The following GPRC5B variants were observed in gnomAD, a reference collection of about 807,000 sequenced individuals.
GPRC5B encodes the protein G protein-coupled receptor family C group 5 member B.
A neutral mutation model predicts 30.1 loss-of-function variants in GPRC5B; 16 were observed. The ratio of observed to expected loss-of-function variants is 0.53; its 90% CI spans 0.36 to 0.81. GPRC5B has a LOEUF of 0.81. Ranked by LOEUF, GPRC5B falls within the 30% of genes least tolerant of loss-of-function variation. The pLI, the probability that GPRC5B is intolerant of heterozygous loss-of-function variation, is 0.01. For missense variants in GPRC5B, 428 were observed against 544.7 expected, an observed-to-expected ratio of 0.79 and a Z score of 2.13; for synonymous variants, 241 against 239.5, an observed-to-expected ratio of 1.01 and a Z score of -0.06.
intron 1 of GPRC5B, among the ~76,000 whole-genome samples, chr16:19,873,586 C>T (rs2056739878): frequency 6.6e-6 from 1 of 152,088 alleles, no homozygotes; most frequent in Admixed American, 6.6e-5. Context: ...TGGTCTCAGC[C>T]TCTCGAGGCT....
At chr16:19,884,225 C>A (rs1311452963) in intron 1 of GPRC5B, among the ~76,000 whole-genome samples, 1 of 149,448 alleles carries the variant, frequency 6.7e-6, no homozygotes, top group Non-Finnish European at 1.5e-5. Flanking sequence ...AAGCCGGCTG[C>A]GGGCTTGACC....
chr16:19,880,682 G>A (rs548706913), intron 1 of GPRC5B, among the ~76,000 whole-genome samples: 148 of 152,250 alleles, frequency 9.7e-4, no homozygotes, highest in African/African-American at 3.5e-3. Flanking sequence ...TAGGCCAGAG[G>A]ACCTTGGGGT....
At chr16:19,866,759 G>A (rs1381769837) in intron 2 of GPRC5B, among the ~76,000 whole-genome samples, 3 of 152,158 alleles carry the variant, frequency 2.0e-5, no homozygotes, top group Non-Finnish European at 2.9e-5. Context: ...CCAAGAAGGA[G>A]TAATAAATAT....
In GPRC5B at chr16:19,883,967, C is replaced by T. The variant is rs570945293; in HGVS notation, c.-2+760G>A. ...CGGGATGTGTGGGGTCCTTGTGGGG[C>T]TGGAAGCCTGTGTCCCCCAAGGAGA... On this transcript the variant is annotated intron_variant, in intron 1 of 3. Coordinates refer to ENST00000300571, the MANE Select transcript of GPRC5B (RefSeq NM_016235.3). Among the ~76,000 whole-genome samples the T allele has an allele frequency of 3.9e-5, 6 of 152,260 alleles. 1 individual carries two copies. In the South Asian group the frequency reaches 1.2e-3, roughly 32 times the overall value.
At chr16:19,884,931 G>A, upstream of GPRC5B, 1 of 889,886 alleles carries the variant, frequency 1.1e-6, no homozygotes, top group Non-Finnish European at 1.3e-6. Context: ...CCCCGCCCCC[G>A]CCCCCGGCCG....
intron 2 of GPRC5B, among the ~76,000 whole-genome samples, chr16:19,865,064 C>G (rs2141140139): frequency 6.6e-6 from 1 of 151,960 alleles, no homozygotes; most frequent in African/African-American, 2.4e-5. Flanking sequence ...GCCACCATGC[C>G]TGGCTTATTT....
At chr16:19,884,962 A>T, upstream of GPRC5B, 2 of 770,492 alleles carry the variant, frequency 2.6e-6, no homozygotes, top group Non-Finnish European at 3.1e-6. Context: ...CGGGCCTCCG[A>T]GCCCCACCCC....
chr16:19,866,117 C>T (rs952539082), intron 2 of GPRC5B, among the ~76,000 whole-genome samples: 15 of 151,678 alleles, frequency 9.9e-5, no homozygotes, highest in Non-Finnish European at 1.9e-4. Context: ...CTAGTAGAGA[C>T]GGGGTTTTAC....
chr16:19,867,123 C>T lies in GPRC5B; in HGVS notation c.1030+4693G>A, dbSNP rs116689932. ...GGGCTCAGTTTTCCACTCTGTAAAA[C>T]GGGTCTTATAGTCCTCATCTTTCCA... is the stretch of plus-strand genomic sequence containing the variant. On this transcript the variant is annotated intron_variant, in intron 2 of 3. Coordinates refer to ENST00000300571, the MANE Select transcript of GPRC5B (RefSeq NM_016235.3). 5.0e-3 allele frequency among the ~76,000 whole-genome samples: 759 copies of T among 152,292 alleles called. 7 individuals carry two copies. Among genetic ancestry groups the T allele is most frequent in the African/African-American group, 0.017 (698 of 41,562 alleles).
chr16:19,871,698 T>C, intron 2 of GPRC5B, 118 bp downstream of exon 2: 1 of 876,452 alleles, frequency 1.1e-6, no homozygotes, highest in South Asian at 1.5e-5. Flanking sequence ...TTGTGGGTTC[T>C]GATCTGCTAG....
intron 2 of GPRC5B, among the ~76,000 whole-genome samples, chr16:19,867,951 C>T (rs748566128): frequency 5.3e-5 from 8 of 152,098 alleles, no homozygotes; most frequent in Non-Finnish European, 8.8e-5. Flanking sequence ...TCAAGTAGTC[C>T]TGCTACTCAG....
At chr16:19,885,161 T>A, upstream of GPRC5B, 1 of 1,248,296 alleles carries the variant, frequency 8.0e-7, no homozygotes, top group Non-Finnish European at 1.1e-6. This position sits in a 1 kb window ranked among gnomAD's most constrained non-coding sequence, Gnocchi z 5.3. Flanking sequence ...CTCCCCAGGG[T>A]AGATCCATTT....
chr16:19,878,801 C>T (rs1187713212), intron 1 of GPRC5B, among the ~76,000 whole-genome samples: 3 of 152,112 alleles, frequency 2.0e-5, no homozygotes, highest in African/African-American at 7.2e-5. Context: ...GTTCTCATTC[C>T]CATTTATAGA....
At chr16:19,860,859 C>T (rs571222346) in intron 3 of GPRC5B, among the ~76,000 whole-genome samples, 21 of 152,202 alleles carry the variant, frequency 1.4e-4, no homozygotes, top group Non-Finnish European at 2.5e-4. Flanking sequence ...GGGGGCTTTT[C>T]TAAGCATATT....
chr16:19,870,759 TAG>T (rs2056710756), intron 2 of GPRC5B, among the ~76,000 whole-genome samples: 1 of 151,960 alleles, frequency 6.6e-6, no homozygotes, highest in African/African-American at 2.4e-5. Context: ...TAGAGAGCGG[TAG>T]AGAGTGCGGT....
chr16:19,863,470 C>T lies in GPRC5B; in HGVS notation c.1031-1497G>A, dbSNP rs79255609. Among the ~76,000 whole-genome samples the T allele has an allele frequency of 5.3e-4, 79 of 149,898 alleles. No individual in the cohort carries two copies. The East Asian group carries it at 0.012, about 22-fold the overall frequency. On this transcript the variant is annotated intron_variant, in intron 2 of 3. Transcript: ENST00000300571. ...GTAAGGGGCACAGTCAGCATTGGGA[C>T]CCAGGCAAGGAATCTGTGTTCTTTT...
intron 2 of GPRC5B, among the ~76,000 whole-genome samples, chr16:19,871,055 G>A (rs1180873201): frequency 4.6e-5 from 7 of 151,688 alleles, no homozygotes; most frequent in Non-Finnish European, 7.4e-5. Flanking sequence ...AGGCTGAGGC[G>A]GGAGGATCAT....
In GPRC5B at chr16:19,861,977, G is replaced by A. The variant is rs1033579139; in HGVS notation, c.1031-4C>T. 3.7e-6 allele frequency: 6 copies of A among 1,613,718 alleles called. No individual in the cohort carries two copies. The highest frequency in any genetic ancestry group is 3.4e-6 in the Non-Finnish European group (4 of 1,179,866). ...GGAAATCCTGCTGTTCGGAGAGCTG[G>A]GGGAGGGAGGGATTGGCAAGACAAC... is the stretch of plus-strand genomic sequence containing the variant. On this transcript the variant is annotated splice_polypyrimidine_tract_variant and splice_region_variant and intron_variant, in intron 2 of 3. Transcript: ENST00000300571.
In GPRC5B at chr16:19,872,651, C is replaced by T. The variant is rs141122078; in HGVS notation, c.195G>A (p.Ala65=). 1.5e-5 allele frequency: 24 copies of T among 1,613,950 alleles called. No homozygotes were observed. Among genetic ancestry groups the T allele is most frequent in the Middle Eastern group, 3.3e-4 (2 of 6,060 alleles). ...TCAGGAGCAGTGTGATCAGGGCGCC[C>T]GCCCCGGCCACCGCCTCCACCACAA... is the stretch of plus-strand genomic sequence containing the variant. ...WGIVVEAVAG[A]GALITLLLML... is the part of the protein sequence containing the mutation. The change falls in exon 2 of 4, where the codon GCG becomes GCA. Residue 65 remains alanine (A), a synonymous_variant. Coordinates refer to ENST00000300571, the MANE Select transcript of GPRC5B (RefSeq NM_016235.3). This position sits in a 1 kb window ranked among gnomAD's most constrained non-coding sequence, Gnocchi z 5.0.
Sources: allele counts gnomAD v4.1 joint callset (sites outside exome capture counted in the v4.1 genomes callset), GRCh38; gene constraint gnomAD v4.1.1; non-coding constraint Gnocchi (gnomAD v3.1); transcripts MANE v1.5; gene names NCBI Gene and HGNC (gene_info 2026-07-23, HGNC 2026-07-21).